SLC25A21: variants seen among roughly 807,000 people sequenced by gnomAD.
The protein encoded by SLC25A21 is mitochondrial 2-oxodicarboxylate carrier.
A neutral mutation model predicts 43.8 loss-of-function variants in SLC25A21; 47 were observed. The ratio of observed to expected loss-of-function variants is 1.07; its 90% confidence interval spans 0.85 to 1.37. The LOEUF (loss-of-function observed/expected upper bound fraction) is 1.37. SLC25A21 is among the 40% of genes most tolerant of loss of function. The pLI is 0.00. For missense variants in SLC25A21, 352 were observed against 350.2 expected, an observed-to-expected ratio of 1.00 and a Z score of -0.04; for synonymous variants, 131 against 121.3, an observed-to-expected ratio of 1.08 and a Z score of -0.52.
chr14:36,702,475 C>CAAAAAAAAAAAAAAAAAAAAAAAAAAA (rs1213350246), intron 7 of SLC25A21, among the ~76,000 whole-genome samples: 3 of 66,158 alleles, frequency 4.5e-5, no homozygotes, highest in Admixed American at 2.1e-4. Context: ...CCTGTCTCCA[C>CAAAAAAAAAAAAAAAAAAAAAAAAAAA]AAAAAAAAAA....
chr14:37,115,853 T>C (rs1273135538), intron 1 of SLC25A21, among the ~76,000 whole-genome samples: 1 of 152,164 alleles, frequency 6.6e-6, no homozygotes, highest in East Asian at 1.9e-4. Context: ...TAAAAACCAA[T>C]GAATGTTTCA....
intron 1 of SLC25A21, among the ~76,000 whole-genome samples, chr14:36,890,512 G>C (rs1891045814): frequency 6.6e-6 from 1 of 152,034 alleles, no homozygotes; most frequent in Admixed American, 6.6e-5. Context: ...TGGAGGGAGA[G>C]AGGCAGAAAA....
chr14:37,133,725 A>G (rs988429023), intron 1 of SLC25A21, among the ~76,000 whole-genome samples: 1 of 151,974 alleles, frequency 6.6e-6, no homozygotes, highest in Non-Finnish European at 1.5e-5. Context: ...CACATCAATC[A>G]TGCTAAACCT....
intron 1 of SLC25A21, among the ~76,000 whole-genome samples, chr14:37,133,386 T>C (rs934578951): frequency 3.3e-5 from 5 of 152,060 alleles, no homozygotes; most frequent in Non-Finnish European, 5.9e-5. Flanking sequence ...TGTGAGGCTC[T>C]TTCTCCACTG....
intron 1 of SLC25A21, among the ~76,000 whole-genome samples, chr14:37,076,106 T>C (rs1230356939): frequency 1.3e-5 from 2 of 152,216 alleles, no homozygotes; most frequent in Non-Finnish European, 2.9e-5. Flanking sequence ...AAAATGACAA[T>C]TCAGTTGAAA....
chr14:37,079,832 C>T (rs961197691), intron 1 of SLC25A21, among the ~76,000 whole-genome samples: 2 of 152,160 alleles, frequency 1.3e-5, no homozygotes, highest in African/African-American at 2.4e-5. Context: ...TTTGTGTCCC[C>T]GCCAAATTCA....
At chr14:36,904,617 C>A (rs1891485046) in intron 1 of SLC25A21, among the ~76,000 whole-genome samples, 1 of 152,216 alleles carries the variant, frequency 6.6e-6, no homozygotes, top group Admixed American at 6.5e-5. Context: ...CACAGTTCCA[C>A]ATGGCTGGGG....
intron 7 of SLC25A21, among the ~76,000 whole-genome samples, chr14:36,697,888 T>C (rs1883105995): frequency 6.6e-6 from 1 of 152,214 alleles, no homozygotes; most frequent in African/African-American, 2.4e-5. Flanking sequence ...CTGTGTCTTT[T>C]AATTAGAGCA....
At chr14:36,980,194 C>T (rs1959986692) in intron 1 of SLC25A21, among the ~76,000 whole-genome samples, 1 of 152,176 alleles carries the variant, frequency 6.6e-6, no homozygotes, top group Admixed American at 6.6e-5. Context: ...TCCTTCATTT[C>T]AACTTTGGTG....
chr14:37,067,657 G>A (rs1338305487), intron 1 of SLC25A21, among the ~76,000 whole-genome samples: 1 of 152,154 alleles, frequency 6.6e-6, no homozygotes, highest in Non-Finnish European at 1.5e-5. Flanking sequence ...CAAAAGTATG[G>A]AGGCAGAAAA....
In SLC25A21 at chr14:36,678,864, A is replaced by T. The variant is rs1882043162; in HGVS notation, c.*1794T>A. ...GTAATTTTTAAAAGATATCAGATAC[A>T]ATTTGCTATTCAAAGAAAATTATGA... On this transcript the variant is annotated 3_prime_UTR_variant, in exon 10 of 10. Coordinates refer to ENST00000331299, the MANE Select transcript of SLC25A21 (RefSeq NM_030631.4). 2 of 974,150 alleles carry T rather than the reference A, an allele frequency of 2.1e-6. No individual in the cohort carries two copies. Among genetic ancestry groups the T allele is most frequent in the Non-Finnish European group, 2.4e-6 (2 of 816,830 alleles). The allele number at this position is 974,150 out of a possible 1,614,324, so 60.3% of individuals were successfully genotyped here.
chr14:36,730,012 T>C (rs1217909059), intron 4 of SLC25A21, among the ~76,000 whole-genome samples: 1 of 152,228 alleles, frequency 6.6e-6, no homozygotes, highest in African/African-American at 2.4e-5. Flanking sequence ...TGCATTTCTA[T>C]TGTGGTGTCT....
chr14:36,768,491 G>A (rs1376197988), intron 3 of SLC25A21, among the ~76,000 whole-genome samples: 2 of 151,962 alleles, frequency 1.3e-5, no homozygotes, highest in Non-Finnish European at 2.9e-5. Context: ...TCACCCCACC[G>A]TCGCCTCTTC....
chr14:36,828,885 C>G (rs1020563119), intron 2 of SLC25A21, among the ~76,000 whole-genome samples: 36 of 152,190 alleles, frequency 2.4e-4, no homozygotes, highest in African/African-American at 8.4e-4. Context: ...CTTCCAGATC[C>G]ACTCTCTACC....
chr14:36,719,779 T>A (rs565864540), intron 6 of SLC25A21, among the ~76,000 whole-genome samples: 5 of 152,302 alleles, frequency 3.3e-5, no homozygotes, highest in South Asian at 2.1e-4. Flanking sequence ...TCACATTTTT[T>A]AAAAACAGTT....
intron 4 of SLC25A21, among the ~76,000 whole-genome samples, chr14:36,733,656 G>A (rs1311695777): frequency 6.6e-6 from 1 of 152,140 alleles, no homozygotes; most frequent in Non-Finnish European, 1.5e-5. Context: ...ACACACATGA[G>A]TAATGTATGT....
chr14:37,073,643 T>C (rs1005311302), intron 1 of SLC25A21, among the ~76,000 whole-genome samples: 3 of 152,166 alleles, frequency 2.0e-5, no homozygotes, highest in African/African-American at 7.2e-5. Flanking sequence ...GGTGTTTTTC[T>C]GCCTCGACCA....
intron 1 of SLC25A21, among the ~76,000 whole-genome samples, chr14:37,006,379 T>G (rs1368791207): frequency 6.6e-6 from 1 of 152,080 alleles, no homozygotes; most frequent in Non-Finnish European, 1.5e-5. Flanking sequence ...TTTCCTCTCT[T>G]TGCCTCAAAT....
At chr14:36,702,127 C>T (rs1883302508) in intron 7 of SLC25A21, among the ~76,000 whole-genome samples, 1 of 151,998 alleles carries the variant, frequency 6.6e-6, no homozygotes, top group African/African-American at 2.4e-5. Context: ...GTGCCTAAAA[C>T]ATTCTGGTCA....
Sources: allele counts gnomAD v4.1 joint callset (sites outside exome capture counted in the v4.1 genomes callset), GRCh38; gene constraint gnomAD v4.1.1; transcripts MANE v1.5; gene names NCBI Gene and HGNC (gene_info 2026-07-23, HGNC 2026-07-21).